The following NAIP variants were observed in gnomAD, a reference collection of about 807,000 sequenced individuals.
NAIP encodes NLR family apoptosis inhibitory protein.
Under a neutral mutation model 23.0 loss-of-function variants are expected in NAIP, and 15 were observed. The ratio of observed to expected loss-of-function variants is 0.65; its 90% CI spans 0.44 to 1.00. The LOEUF is 1.00. NAIP is among the 50% of genes least tolerant of loss of function. The probability of loss-of-function intolerance (pLI) is 0.00; values close to 1 mark genes in which losing one functional copy is unlikely to be tolerated. For missense variants in NAIP, 265 were observed against 278.8 expected, an observed-to-expected ratio of 0.95 and a Z score of 0.35; for synonymous variants, 100 against 100.2, an observed-to-expected ratio of 1.00 and a Z score of 0.01.
rs537527506 is a variant in NAIP at position 71,014,887 on chromosome 5, A to T, written c.-3-1969T>A. Among the ~76,000 whole-genome samples the T allele has an allele frequency of 7.2e-5, 11 of 151,746 alleles. No homozygotes were observed. In the South Asian group the frequency reaches 2.3e-3, roughly 32 times the overall value. On this transcript the variant is annotated intron_variant, in intron 3 of 16. Coordinates refer to ENST00000517649, the MANE Select transcript of NAIP (RefSeq NM_004536.3). ...CATTGCACTCCAGCCTGGGTGACAG[A>T]GTGAGACTCCATCTCAAACAAACAA...
intron 5 of NAIP, among the ~76,000 whole-genome samples, chr5:71,008,454 A>C (rs2112912324): frequency 1.1e-5 from 1 of 91,612 alleles, no homozygotes; most frequent in South Asian, 4.6e-4. Flanking sequence ...TAGTTAATTT[A>C]GTATCCAACC....
At chr5:70,979,572 C>CAAAAAA (rs1185904838) in intron 13 of NAIP, among the ~76,000 whole-genome samples, 1 of 16,678 alleles carries the variant, frequency 6.0e-5, no homozygotes, top group African/African-American at 3.4e-4. Context: ...GAGACTGTCT[C>CAAAAAA]AAAAAAAAAA....
intron 3 of NAIP, among the ~76,000 whole-genome samples, chr5:71,013,361 G>T (rs374585580): frequency 6.6e-6 from 1 of 150,970 alleles, no homozygotes; most frequent in African/African-American, 2.4e-5. Flanking sequence ...TGCTCTGGCC[G>T]GGCGCGGTGG....
At chr5:71,011,435 A>T in intron 4 of NAIP, 61 bp from the exon 5 acceptor site, 1 of 1,345,034 alleles carries the variant, frequency 7.4e-7, no homozygotes. Flanking sequence ...ATGTACACAG[A>T]GTTGATTGTT....
intron 13 of NAIP, among the ~76,000 whole-genome samples, chr5:70,977,665 CAAAA>C (rs1219760084): frequency 2.6e-5 from 2 of 77,514 alleles, no homozygotes; most frequent in East Asian, 4.1e-4. Context: ...ACTGCATCTC[CAAAA>C]AAAAAAAAAA....
At chr5:71,014,325 T>G (rs1367070338) in intron 3 of NAIP, among the ~76,000 whole-genome samples, 1 of 151,378 alleles carries the variant, frequency 6.6e-6, no homozygotes, top group African/African-American at 2.4e-5. Context: ...CTCCAACTCC[T>G]GACCTCAAGT....
intron 13 of NAIP, among the ~76,000 whole-genome samples, chr5:70,978,073 A>C (rs1266789570): frequency 2.9e-4 from 28 of 97,832 alleles, no homozygotes; most frequent in African/African-American, 7.3e-4. Context: ...GCTGACAAAT[A>C]TAACTACCAC....
chr5:71,012,649 A>G lies in NAIP; in HGVS notation c.267T>C (p.Thr89=). ...QEMAAAGFYF[T]GVKSGIQCFC... The stretch of plus-strand genomic sequence containing the variant: ...AGCACTGAATCCCAGATTTTACCCC[A>G]GTGAAGTAAAACCCAGCGGCCGCCA... The change falls in exon 4 of 17, where the codon ACT becomes ACC. Residue 89 remains threonine, a synonymous_variant. Transcript: ENST00000517649. 6.2e-7 allele frequency: 1 copy of G among 1,611,930 alleles called. No individual in the cohort carries two copies. Among genetic ancestry groups the G allele is most frequent in the Non-Finnish European group, 8.5e-7 (1 of 1,178,490 alleles).
At chr5:71,011,162 G>A (rs1274389185) in intron 5 of NAIP, 113 bp downstream of exon 5, 6 of 734,758 alleles carry the variant, frequency 8.2e-6, no homozygotes, top group Admixed American at 6.0e-5. Flanking sequence ...GAACCAGGGA[G>A]GGAGAATTTG....
intron 5 of NAIP, 43 bp downstream of exon 5, chr5:71,011,230 CAA>C (rs113451164): frequency 1.3e-5 from 16 of 1,271,346 alleles, no homozygotes; most frequent in South Asian, 7.3e-5. Flanking sequence ...AAGACTGTCT[CAA>C]AAAAAAAAGA....
intron 5 of NAIP, among the ~76,000 whole-genome samples, chr5:71,007,319 G>A (rs533533482): frequency 5.8e-4 from 37 of 63,768 alleles, no homozygotes; most frequent in Admixed American, 1.4e-3. Context: ...AGCTTCATTC[G>A]TCCCTATAAC....
At chr5:71,002,401 CTTTTT>C (rs1157939944) in intron 6 of NAIP, among the ~76,000 whole-genome samples, 7 of 5,588 alleles carry the variant, frequency 1.3e-3, no homozygotes, top group African/African-American at 3.9e-3. Flanking sequence ...TGTTGGAGGT[CTTTTT>C]TTTTTTTTTT....
chr5:71,014,263 A>G (rs1414774835), intron 3 of NAIP, among the ~76,000 whole-genome samples: 2 of 150,984 alleles, frequency 1.3e-5, no homozygotes, highest in Non-Finnish European at 3.0e-5. Context: ...AATTGCGGCT[A>G]ATTTCTGTAT....
At chr5:71,002,401 CTTTTTTTTTTTTTT>C (rs1157939944) in intron 6 of NAIP, among the ~76,000 whole-genome samples, 2 of 5,588 alleles carry the variant, frequency 3.6e-4, no homozygotes, top group East Asian at 6.3e-3. Context: ...TGTTGGAGGT[CTTTTTTTTTTTTTT>C]TTTTTTTTTT....
In NAIP at chr5:71,012,689, C is replaced by T. The variant is rs147313514; in HGVS notation, c.227G>A (p.Trp76Ter). The change falls in exon 4 of 17, where the codon TGG becomes TAG. Residue 76 changes from tryptophan to a stop codon, truncating the protein, a stop_gained. Coordinates refer to ENST00000517649, the MANE Select transcript of NAIP (RefSeq NM_004536.3). LOFTEE classifies it high-confidence loss of function. ...AGCGGCCGCCATCTCCTGTGGTATC[C>T]ATGAGCTGTACGGCTCATAAGTCAC... Reference protein sequence around the residue: ...TFVTYEPYSSWIPQEMAAAGF... With the variant: ...TFVTYEPYSS 6.2e-7 allele frequency: 1 copy of T among 1,611,794 alleles called. No homozygotes were observed. The highest frequency in any genetic ancestry group is 8.5e-7 in the Non-Finnish European group (1 of 1,178,372).
chr5:71,013,889 T>C (rs932502539), intron 3 of NAIP, among the ~76,000 whole-genome samples: 1 of 151,258 alleles, frequency 6.6e-6, no homozygotes. Flanking sequence ...AGTCTCCCAT[T>C]TGTTCATTTT....
intron 5 of NAIP, among the ~76,000 whole-genome samples, chr5:71,008,767 G>A (rs1337875395): frequency 1.9e-4 from 15 of 80,998 alleles, no homozygotes; most frequent in African/African-American, 1.1e-3. Context: ...TTGCACCGCT[G>A]CACTCAAGCC....
chr5:71,015,274 G>T (rs988565567), intron 3 of NAIP, among the ~76,000 whole-genome samples: 1 of 150,972 alleles, frequency 6.6e-6, no homozygotes, highest in South Asian at 2.1e-4. Context: ...AGCTACTCGG[G>T]GAGCAGAGGC....
chr5:71,015,606 CAAA>C (rs1305859592), intron 3 of NAIP, among the ~76,000 whole-genome samples: 12 of 89,876 alleles, frequency 1.3e-4, no homozygotes, highest in Non-Finnish European at 2.7e-4. Flanking sequence ...ACTAAAAATA[CAAA>C]AAAAAAAAAA....
Sources: gnomAD v4.1 joint callset for allele counts (sites outside exome capture counted in the v4.1 genomes callset) on GRCh38, gnomAD v4.1.1 for gene constraint, MANE v1.5 for transcripts, NCBI Gene and HGNC (gene_info 2026-07-23, HGNC 2026-07-21) for gene names.